ZFAT: variants seen among roughly 807,000 people sequenced by gnomAD.
The protein encoded by ZFAT is zinc finger and AT-hook domain containing, also known as zinc finger protein ZFAT.
A neutral mutation model predicts 117.7 loss-of-function variants in ZFAT; 64 were observed. The observed-to-expected ratio is 0.54, with a 90% CI of 0.44 to 0.67. The LOEUF (loss-of-function observed/expected upper bound fraction) is 0.67. ZFAT is among the 30% of genes least tolerant of loss of function. The pLI is 0.00. For synonymous variants in ZFAT, 679 were observed against 615.0 expected, an observed-to-expected ratio of 1.10 and a Z score of -1.54; for missense variants, 1,433 against 1,584.5, an observed-to-expected ratio of 0.90 and a Z score of 1.62.
chr8:134,525,243 G>C (rs1820939195), intron 12 of ZFAT, among the ~76,000 whole-genome samples: 1 of 152,156 alleles, frequency 6.6e-6, no homozygotes, highest in Non-Finnish European at 1.5e-5. Flanking sequence ...TCTGTGTGGA[G>C]TCCTAAAGCC....
chr8:134,620,994 TAC>T (rs1186611716), intron 3 of ZFAT, among the ~76,000 whole-genome samples: 2 of 152,280 alleles, frequency 1.3e-5, no homozygotes, highest in Admixed American at 6.5e-5. Context: ...ATGTGCTAAT[TAC>T]ACAGTTAATT....
chr8:134,759,418 T>C, the ZFAT span, among the ~76,000 whole-genome samples: 1 of 152,204 alleles, frequency 6.6e-6, no homozygotes, highest in Non-Finnish European at 1.5e-5. Flanking sequence ...CTTCCACCAC[T>C]GAAAGGCCTG....
intron 3 of ZFAT, among the ~76,000 whole-genome samples, chr8:134,637,113 C>T (rs1255491121): frequency 6.6e-6 from 1 of 152,236 alleles, no homozygotes; most frequent in Non-Finnish European, 1.5e-5. Flanking sequence ...CTCCTGCTGA[C>T]AATTTGTTAT....
intron 3 of ZFAT, among the ~76,000 whole-genome samples, chr8:134,614,091 A>C (rs955619654): frequency 6.6e-6 from 1 of 152,154 alleles, no homozygotes; most frequent in Admixed American, 6.5e-5. Context: ...GAACTGTTTT[A>C]AAAATCCAAA....
the ZFAT span, among the ~76,000 whole-genome samples, chr8:134,806,274 C>T: frequency 1.9e-3 from 296 of 152,250 alleles, 3 homozygotes; most frequent in African/African-American, 6.7e-3. Context: ...TAATATTTAA[C>T]GGTTGCTCTC....
At chr8:134,612,372 G>A (rs763358329) in intron 3 of ZFAT, among the ~76,000 whole-genome samples, 34 of 152,188 alleles carry the variant, frequency 2.2e-4, no homozygotes, top group Non-Finnish European at 3.2e-4. Context: ...CATTTGGTCC[G>A]TCTGTTTCCA....
chr8:134,806,042 T>C, the ZFAT span, among the ~76,000 whole-genome samples: 1 of 152,064 alleles, frequency 6.6e-6, no homozygotes, highest in South Asian at 2.1e-4. Flanking sequence ...AAAAAAACTA[T>C]GAAAACAATT....
At chr8:134,505,393 G>A (rs1055672305) in intron 15 of ZFAT, among the ~76,000 whole-genome samples, 2 of 152,138 alleles carry the variant, frequency 1.3e-5, no homozygotes, top group Non-Finnish European at 2.9e-5. Flanking sequence ...AGTAATGCCC[G>A]CACCCCTCAA....
chr8:134,596,069 G>A (rs1478241193), intron 7 of ZFAT, among the ~76,000 whole-genome samples: 4 of 152,166 alleles, frequency 2.6e-5, no homozygotes, highest in African/African-American at 7.2e-5. Flanking sequence ...CAAGCCCCAC[G>A]CTGGTGCAAG....
chr8:134,754,917 G>T, the ZFAT span, among the ~76,000 whole-genome samples: 145 of 152,248 alleles, frequency 9.5e-4, no homozygotes, highest in African/African-American at 3.2e-3. Flanking sequence ...AACACACGCA[G>T]TCAAAGAACA....
the ZFAT span, among the ~76,000 whole-genome samples, chr8:134,758,548 T>C: frequency 6.6e-6 from 1 of 152,212 alleles, no homozygotes; most frequent in South Asian, 2.1e-4. Context: ...CCTAGGCTTG[T>C]TGCCTCATGT....
At chr8:134,603,352 C>T (rs1412180166) in intron 5 of ZFAT, among the ~76,000 whole-genome samples, 7 of 152,078 alleles carry the variant, frequency 4.6e-5, no homozygotes, top group Non-Finnish European at 1.0e-4. Flanking sequence ...ATCCACAACT[C>T]GCACAATAAT....
the ZFAT span, among the ~76,000 whole-genome samples, chr8:134,749,231 T>C: frequency 1.3e-5 from 2 of 152,250 alleles, no homozygotes; most frequent in Non-Finnish European, 2.9e-5. Flanking sequence ...TAAGATATTC[T>C]CTTATACTAC....
intron 11 of ZFAT, among the ~76,000 whole-genome samples, chr8:134,562,372 C>T (rs1047053607): frequency 2.6e-5 from 4 of 152,158 alleles, no homozygotes; most frequent in Non-Finnish European, 5.9e-5. Flanking sequence ...TGGTGGTAAT[C>T]TGTTACAGGA....
chr8:134,494,414 G>T (rs1411872413), intron 15 of ZFAT, among the ~76,000 whole-genome samples: 1 of 152,168 alleles, frequency 6.6e-6, no homozygotes, highest in East Asian at 1.9e-4. Flanking sequence ...TCGATCCGCT[G>T]CCCTTTAGTG....
At chr8:134,519,905 T>A (rs4909456) in intron 13 of ZFAT, among the ~76,000 whole-genome samples, 1 of 152,034 alleles carries the variant, frequency 6.6e-6, no homozygotes, top group African/African-American at 2.4e-5. Context: ...TTGTCAAATG[T>A]CTTTTCTGCA....
intron 11 of ZFAT, chr8:134,565,019 C>G (rs1056961773): frequency 4.6e-6 from 6 of 1,313,534 alleles, no homozygotes; most frequent in Non-Finnish European, 6.0e-6. Flanking sequence ...AGCAAAAATA[C>G]GTGTCCCTAA....
the ZFAT span, among the ~76,000 whole-genome samples, chr8:134,782,301 A>G: frequency 0.011 from 1,685 of 152,338 alleles, 15 homozygotes; most frequent in Non-Finnish European, 0.019. Context: ...AATGTACAGT[A>G]CAGTCCTTAT....
intron 11 of ZFAT, among the ~76,000 whole-genome samples, chr8:134,560,767 A>C (rs2130749403): frequency 6.6e-6 from 1 of 152,342 alleles, no homozygotes; most frequent in South Asian, 2.1e-4. Context: ...AAGAAAGCAA[A>C]GAGTTGAATA....
Sources: allele counts gnomAD v4.1 joint callset (sites outside exome capture counted in the v4.1 genomes callset), GRCh38; gene constraint gnomAD v4.1.1; transcripts MANE v1.5; gene names NCBI Gene and HGNC (gene_info 2026-07-23, HGNC 2026-07-21).